Variants in CNTNAP2 observed in about 807,000 individuals in gnomAD.
CNTNAP2 encodes the protein contactin-associated protein-like 2.
CNTNAP2 carries 98 observed loss-of-function variants against 155.2 expected under a neutral mutation model. The observed-to-expected ratio is 0.63, with a 90% CI of 0.54 to 0.75. The LOEUF is 0.75. Ranked by LOEUF, CNTNAP2 falls within the 30% of genes least tolerant of loss-of-function variation. The pLI is 0.00. For missense variants in CNTNAP2, 1,727 were observed against 1,688.1 expected (o/e 1.02, Z -0.40); for synonymous variants, 651 against 631.2 (o/e 1.03, Z -0.47).
At chr7:147,454,337 C>G (rs1371071633) in intron 10 of CNTNAP2, among the ~76,000 whole-genome samples, 1 of 152,034 alleles carries the variant, frequency 6.6e-6, no homozygotes, top group Non-Finnish European at 1.5e-5. Context: ...TGTGTTCAGC[C>G]AAGGTTATGC....
At chr7:146,543,233 G>A (rs1321260506) in intron 1 of CNTNAP2, among the ~76,000 whole-genome samples, 2 of 151,768 alleles carry the variant, frequency 1.3e-5, no homozygotes, top group African/African-American at 4.8e-5. Flanking sequence ...TGATTCTAAT[G>A]TTCAACCAAA....
At chr7:147,750,781 G>A (rs1198174290) in intron 13 of CNTNAP2, among the ~76,000 whole-genome samples, 1 of 152,184 alleles carries the variant, frequency 6.6e-6, no homozygotes, top group Non-Finnish European at 1.5e-5. Flanking sequence ...GCTCATGCCT[G>A]TAATCCTGGC....
intron 9 of CNTNAP2, among the ~76,000 whole-genome samples, chr7:147,343,940 A>G (rs1311207198): frequency 6.6e-6 from 1 of 152,194 alleles, no homozygotes; most frequent in African/African-American, 2.4e-5. Flanking sequence ...AAGAATGCTG[A>G]TAATTATTTA....
At chr7:147,492,231 T>G (rs1238660145) in intron 11 of CNTNAP2, among the ~76,000 whole-genome samples, 1 of 152,162 alleles carries the variant, frequency 6.6e-6, no homozygotes, top group South Asian at 2.1e-4. Flanking sequence ...ATCCCTCACA[T>G]GCACAGTTCA....
chr7:148,390,463 A>C (rs1799320680), intron 22 of CNTNAP2, among the ~76,000 whole-genome samples: 1 of 152,192 alleles, frequency 6.6e-6, no homozygotes, highest in South Asian at 2.1e-4. Context: ...TGCTTTTCTG[A>C]AAATACAGCA....
intron 1 of CNTNAP2, among the ~76,000 whole-genome samples, chr7:146,153,350 C>T (rs1031790666): frequency 1.1e-4 from 16 of 152,070 alleles, no homozygotes; most frequent in South Asian, 6.2e-4. Context: ...GATACTCACA[C>T]GTAAGAATTG....
intron 3 of CNTNAP2, among the ~76,000 whole-genome samples, chr7:147,035,966 A>C (rs1244368952): frequency 6.6e-6 from 1 of 152,210 alleles, no homozygotes; most frequent in South Asian, 2.1e-4. Flanking sequence ...AGTGATTACA[A>C]AATACTTTTC....
intron 11 of CNTNAP2, among the ~76,000 whole-genome samples, chr7:147,540,829 C>CAA (rs58625166): frequency 0.23 from 34,346 of 146,944 alleles, 4,031 homozygotes; most frequent in East Asian, 0.37. Context: ...GACTCTGTCT[C>CAA]AAAAAAAAAA....
intron 1 of CNTNAP2, among the ~76,000 whole-genome samples, chr7:146,725,546 C>T (rs1028122631): frequency 5.3e-5 from 8 of 152,156 alleles, no homozygotes; most frequent in East Asian, 3.9e-4. Context: ...AATTCTGCTA[C>T]GGTGTAGACA....
intron 2 of CNTNAP2, among the ~76,000 whole-genome samples, chr7:146,811,693 G>A (rs936105070): frequency 6.6e-6 from 1 of 152,040 alleles, no homozygotes; most frequent in Admixed American, 6.6e-5. Flanking sequence ...AGCTGTGTCT[G>A]CACCCAAATC....
rs535682150 is a variant in CNTNAP2, at chr7:147,802,549, G to A, written c.2099-101016G>A. Among the ~76,000 whole-genome samples the A allele has an allele frequency of 7.0e-4, 106 of 152,292 alleles. 2 individuals are homozygous for A. In the South Asian group the frequency reaches 0.016, roughly 23 times the overall value. On this transcript the variant is annotated intron_variant, in intron 13 of 23. Transcript: ENST00000361727. ...GGCACCTCGGGAGGCCGAGGCTGGC[G>A]GATCACTCGCGGTTACGAGCTGGAG...
intron 1 of CNTNAP2, among the ~76,000 whole-genome samples, chr7:146,540,781 C>T (rs955299280): frequency 6.6e-6 from 1 of 151,958 alleles, no homozygotes; most frequent in Non-Finnish European, 1.5e-5. Flanking sequence ...ACTTCTGTTT[C>T]TTTTATTTTT....
At chr7:147,453,815 C>A (rs1354003668) in intron 10 of CNTNAP2, among the ~76,000 whole-genome samples, 1 of 152,054 alleles carries the variant, frequency 6.6e-6, no homozygotes, top group Admixed American at 6.6e-5. Context: ...ACCAAAAGTT[C>A]TTTAATGTAT....
chr7:147,644,861 A>AT (rs1795340811), intron 13 of CNTNAP2, among the ~76,000 whole-genome samples: 1 of 152,084 alleles, frequency 6.6e-6, no homozygotes, highest in Non-Finnish European at 1.5e-5. Flanking sequence ...CTAGTTAAGA[A>AT]TTTTTTTGCT....
rs183646779 is a variant in CNTNAP2, at chr7:147,679,318, T to C, written c.2098+40012T>C. On this transcript the variant is annotated intron_variant, in intron 13 of 23. Coordinates refer to ENST00000361727, the MANE Select transcript of CNTNAP2 (RefSeq NM_014141.6). ...CATCCATTTCTATAATATGATACAC[T>C]AAGGAAATAGTCTGCCAATCATCTA... Among the ~76,000 whole-genome samples, 63 of 152,054 alleles carry C rather than the reference T, an allele frequency of 4.1e-4. 1 individual carries two copies. The highest frequency in any genetic ancestry group is 4.1e-3 in the Admixed American group (63 of 15,244).
intron 8 of CNTNAP2, among the ~76,000 whole-genome samples, chr7:147,202,444 G>C (rs1370249989): frequency 1.3e-5 from 2 of 152,002 alleles, no homozygotes; most frequent in Non-Finnish European, 2.9e-5. Context: ...AGGGAATATA[G>C]GTTGCCAAAA....
At chr7:146,140,741 G>A (rs1302218804) in intron 1 of CNTNAP2, among the ~76,000 whole-genome samples, 2 of 152,018 alleles carry the variant, frequency 1.3e-5, no homozygotes, top group Non-Finnish European at 1.5e-5. Flanking sequence ...AAACAACCAT[G>A]CGAAGAAAGA....
At chr7:147,138,546 A>G (rs1008451478) in intron 8 of CNTNAP2, among the ~76,000 whole-genome samples, 2 of 151,946 alleles carry the variant, frequency 1.3e-5, no homozygotes, top group East Asian at 3.9e-4. Context: ...CTGTACCACT[A>G]TCATGCGAAC....
chr7:146,586,466 A>G (rs1257060053), intron 1 of CNTNAP2, among the ~76,000 whole-genome samples: 1 of 152,182 alleles, frequency 6.6e-6, no homozygotes, highest in African/African-American at 2.4e-5. Context: ...ACAATATTCT[A>G]CATAGCAAAG....
Sources: gnomAD v4.1 joint callset for allele counts (sites outside exome capture counted in the v4.1 genomes callset) on GRCh38, gnomAD v4.1.1 for gene constraint, MANE v1.5 for transcripts, NCBI Gene and HGNC (gene_info 2026-07-23, HGNC 2026-07-21) for gene names.